Variants in PLAC1 observed in about 807,000 individuals in gnomAD.
PLAC1 encodes the protein placenta associated 1, also known as placenta-specific protein 1.
For missense variants in PLAC1, 136 were observed against 163.2 expected (o/e 0.83, Z 0.91); for synonymous variants, 68 against 62.1 (o/e 1.09, Z -0.44).
intron 2 of PLAC1, among the ~76,000 whole-genome samples, chrX:134,692,693 A>G (rs974752003): frequency 8.9e-6 from 1 of 112,018 alleles, no homozygotes; most frequent in African/African-American, 3.2e-5. Flanking sequence ...ATAATCAATC[A>G]TTGAGTTAAC....
At chrX:134,590,993 G>A (rs1399621875) in intron 2 of PLAC1, among the ~76,000 whole-genome samples, 1 of 110,672 alleles carries the variant, frequency 9.0e-6, no homozygotes, top group Non-Finnish European at 1.9e-5. Context: ...AGCACATGTC[G>A]AGAGAATGGC....
intron 1 of PLAC1, among the ~76,000 whole-genome samples, chrX:134,628,590 T>C (rs962015526): frequency 8.9e-6 from 1 of 112,332 alleles, no homozygotes; most frequent in African/African-American, 3.2e-5. Context: ...ACTCCACTAA[T>C]TCTTTAAAAT....
intron 2 of PLAC1, among the ~76,000 whole-genome samples, chrX:134,687,943 C>A (rs2078524036): frequency 1.0e-5 from 1 of 99,944 alleles, no homozygotes; most frequent in African/African-American, 3.7e-5. Flanking sequence ...TGACGCCTCA[C>A]AGTGGGGACC....
chrX:134,589,921 C>T (rs1474491476), intron 2 of PLAC1, among the ~76,000 whole-genome samples: 70 of 110,819 alleles, frequency 6.3e-4, no homozygotes, highest in East Asian at 8.6e-4. Flanking sequence ...ATGGGCCGGG[C>T]GCGGTGGCTC....
intron 2 of PLAC1, among the ~76,000 whole-genome samples, chrX:134,570,891 A>G (rs2077904749): frequency 1.8e-5 from 2 of 112,331 alleles, no homozygotes; most frequent in African/African-American, 6.5e-5. Flanking sequence ...TAAATTTTCT[A>G]CATTAAAAAA....
intron 1 of PLAC1, among the ~76,000 whole-genome samples, chrX:134,758,166 A>G (rs181609201): frequency 3.6e-4 from 36 of 99,265 alleles, no homozygotes; most frequent in African/African-American, 1.5e-3. Context: ...AGACAAATGG[A>G]AAAAAAAAAC....
intron 1 of PLAC1, among the ~76,000 whole-genome samples, chrX:134,623,438 G>A (rs1340104767): frequency 2.7e-5 from 3 of 112,560 alleles, no homozygotes; most frequent in Admixed American, 9.4e-5. Flanking sequence ...TGTGCTACAC[G>A]TTGTTCTAAG....
At chrX:134,742,180 A>G (rs1490127023) in intron 1 of PLAC1, among the ~76,000 whole-genome samples, 1 of 113,057 alleles carries the variant, frequency 8.8e-6, no homozygotes, top group Non-Finnish European at 1.9e-5. Flanking sequence ...AGATGGGCAG[A>G]CAGGCTTACT....
chrX:134,633,431 AG>A (rs2078270860), intron 1 of PLAC1, among the ~76,000 whole-genome samples: 1 of 111,906 alleles, frequency 8.9e-6, no homozygotes, highest in African/African-American at 3.2e-5. Flanking sequence ...GTAGGCGTAT[AG>A]TTGGATATAT....
intron 2 of PLAC1, among the ~76,000 whole-genome samples, chrX:134,686,963 A>C (rs920991878): frequency 8.9e-6 from 1 of 111,813 alleles, no homozygotes; most frequent in African/African-American, 3.3e-5. Flanking sequence ...AGAGACTTGC[A>C]ATCTAACAAG....
intron 2 of PLAC1, among the ~76,000 whole-genome samples, chrX:134,731,772 A>G (rs148222651): frequency 3.3e-4 from 37 of 111,825 alleles, no homozygotes; most frequent in African/African-American, 1.1e-3. Flanking sequence ...GACTCAGTCC[A>G]AAAATATCTA....
At chrX:134,654,700 G>T (rs2078380573) in intron 1 of PLAC1, among the ~76,000 whole-genome samples, 1 of 112,142 alleles carries the variant, frequency 8.9e-6, no homozygotes, top group South Asian at 3.7e-4. Context: ...GGCAGACCTA[G>T]GCCTTCTTAA....
intron 1 of PLAC1, among the ~76,000 whole-genome samples, chrX:134,611,100 G>A (rs1197082452): frequency 9.0e-6 from 1 of 110,565 alleles, no homozygotes; most frequent in Non-Finnish European, 1.9e-5. Context: ...GGGTGGTCTC[G>A]AACTCCTGGG....
chrX:134,621,476 A>G (rs909976887), intron 1 of PLAC1, among the ~76,000 whole-genome samples: 2 of 108,604 alleles, frequency 1.8e-5, no homozygotes, highest in African/African-American at 6.7e-5. Flanking sequence ...AAAAAAAAGA[A>G]AAGAAAATCC....
At position 134,714,098 on chromosome X, in the gene PLAC1, C is replaced by G. The variant is rs2078636248; in HGVS notation, n.174+19337G>C. On this transcript the variant is annotated intron_variant and non_coding_transcript_variant, in intron 2 of 2. Transcript: ENST00000466797. ...TTGCAAATCTCTGCAATTTTTACCT[C>G]AGGCCAGTCCAAATTACCTCCTCCT... 4.5e-5 allele frequency among the ~76,000 whole-genome samples: 5 copies of G among 111,976 alleles called. No homozygotes were observed. The South Asian group carries it at 1.9e-3, about 42-fold the overall frequency.
intron 1 of PLAC1, among the ~76,000 whole-genome samples, chrX:134,648,850 T>C (rs1330597728): frequency 2.7e-5 from 3 of 111,978 alleles, no homozygotes; most frequent in African/African-American, 9.7e-5. Context: ...AAGAGAAAAG[T>C]GAGGCAGGAC....
At chrX:134,610,080 C>T (rs981023481) in intron 1 of PLAC1, among the ~76,000 whole-genome samples, 3 of 111,089 alleles carry the variant, frequency 2.7e-5, no homozygotes, top group Admixed American at 9.6e-5. Flanking sequence ...CAGGTTCAAG[C>T]GATCCTCATG....
intron 1 of PLAC1, among the ~76,000 whole-genome samples, chrX:134,756,848 CA>C (rs796120644): frequency 1.9e-3 from 161 of 86,257 alleles, no homozygotes; most frequent in Admixed American, 2.6e-3. Context: ...GACTCCGTCT[CA>C]AAAAAAAAAA....
chrX:134,697,739 G>A (rs1453518706), intron 2 of PLAC1, among the ~76,000 whole-genome samples: 7 of 111,723 alleles, frequency 6.3e-5, no homozygotes, highest in Non-Finnish European at 1.1e-4. Context: ...ATAGTGGCGC[G>A]TGCCTGTAGT....
Sources: allele counts gnomAD v4.1 joint callset (sites outside exome capture counted in the v4.1 genomes callset), GRCh38; gene constraint gnomAD v4.1.1; transcripts MANE v1.5; gene names NCBI Gene and HGNC (gene_info 2026-07-23, HGNC 2026-07-21).